Variants in ASTN2 observed in about 807,000 individuals in gnomAD.
ASTN2 encodes the protein astrotactin 2.
ASTN2 carries 54 observed loss-of-function variants against 139.8 expected under a neutral mutation model. That is an observed-to-expected ratio of 0.39 (90% CI 0.31 to 0.48). ASTN2 has a LOEUF of 0.48. Among genes scored for constraint, ASTN2 ranks in the 20% least tolerant of loss-of-function variants. The pLI is 0.95. For synonymous variants in ASTN2, 756 were observed against 719.5 expected (o/e 1.05, Z -0.81); for missense variants, 1,565 against 1,725.1 (o/e 0.91, Z 1.64).
intron 7 of ASTN2, among the ~76,000 whole-genome samples, chr9:116,987,688 C>CAT (rs1836726605): frequency 6.6e-6 from 1 of 152,152 alleles, no homozygotes; most frequent in Non-Finnish European, 1.5e-5. Flanking sequence ...CCTATATGTA[C>CAT]ATACCCATGA....
At chr9:117,354,533 T>C (rs891916824) in intron 1 of ASTN2, among the ~76,000 whole-genome samples, 1 of 152,232 alleles carries the variant, frequency 6.6e-6, no homozygotes, top group Non-Finnish European at 1.5e-5. Flanking sequence ...CTCCCTCTTG[T>C]GTGCACCCAT....
intron 15 of ASTN2, among the ~76,000 whole-genome samples, chr9:116,728,162 T>C (rs1828681483): frequency 6.6e-6 from 1 of 152,130 alleles, no homozygotes; most frequent in Admixed American, 6.5e-5. Context: ...CCATCATACA[T>C]GAGCACCAAC....
intron 2 of ASTN2, among the ~76,000 whole-genome samples, chr9:117,275,564 CTT>C (rs57767279): frequency 2.5e-5 from 3 of 119,170 alleles, no homozygotes; most frequent in Middle Eastern, 3.9e-3. Context: ...ATCTCTCCCT[CTT>C]TTTTTTTTTT....
At chr9:116,887,919 C>T (rs1564324137) in intron 10 of ASTN2, among the ~76,000 whole-genome samples, 1 of 152,142 alleles carries the variant, frequency 6.6e-6, no homozygotes, top group Admixed American at 6.5e-5. Flanking sequence ...CCACCTACCT[C>T]GGTTTCTCAA....
intron 13 of ASTN2, among the ~76,000 whole-genome samples, chr9:116,794,464 G>A (rs577228305): frequency 1.3e-5 from 2 of 152,156 alleles, no homozygotes; most frequent in Non-Finnish European, 2.9e-5. Flanking sequence ...GCCATCCTGA[G>A]CCACATATGG....
At chr9:116,514,469 G>C (rs1318141896) in intron 19 of ASTN2, among the ~76,000 whole-genome samples, 1 of 152,218 alleles carries the variant, frequency 6.6e-6, no homozygotes, top group Non-Finnish European at 1.5e-5. Flanking sequence ...TGAGGAGGCA[G>C]TCTGTCTCAA....
intron 2 of ASTN2, among the ~76,000 whole-genome samples, chr9:117,253,265 G>C (rs1400601150): frequency 6.6e-6 from 1 of 152,136 alleles, no homozygotes; most frequent in East Asian, 1.9e-4. Context: ...TCCCAGATCT[G>C]TTCTTATATC....
At chr9:116,668,748 T>C (rs780452890) in intron 16 of ASTN2, among the ~76,000 whole-genome samples, 34 of 152,196 alleles carry the variant, frequency 2.2e-4, no homozygotes, top group Non-Finnish European at 3.2e-4. Context: ...AGGAGCACAA[T>C]TGCAAAGATC....
chr9:117,412,355 T>C (rs1212887994), intron 1 of ASTN2, among the ~76,000 whole-genome samples: 2 of 152,090 alleles, frequency 1.3e-5, no homozygotes, highest in Non-Finnish European at 2.9e-5. Context: ...TCAGGGACCG[T>C]GCATCAGAGG....
At chr9:117,387,031 G>A (rs1043220233) in intron 1 of ASTN2, among the ~76,000 whole-genome samples, 1 of 152,100 alleles carries the variant, frequency 6.6e-6, no homozygotes, top group Non-Finnish European at 1.5e-5. Context: ...AGGCCTCACA[G>A]TCTACACCCT....
chr9:116,688,304 A>T (rs1227340995), intron 16 of ASTN2, among the ~76,000 whole-genome samples: 1 of 152,044 alleles, frequency 6.6e-6, no homozygotes, highest in Non-Finnish European at 1.5e-5. Context: ...TGGGGTGGAG[A>T]TGTCCTAACT....
chr9:116,647,393 G>A (rs567410668), intron 17 of ASTN2, among the ~76,000 whole-genome samples: 14 of 152,152 alleles, frequency 9.2e-5, no homozygotes, highest in Non-Finnish European at 1.3e-4. Context: ...CTCCTGCAAG[G>A]AGAACAGTGA....
At chr9:117,225,565 A>G (rs1184617877) in intron 2 of ASTN2, among the ~76,000 whole-genome samples, 1 of 111,390 alleles carries the variant, frequency 9.0e-6, no homozygotes, top group South Asian at 3.1e-4. Context: ...ATATATATAT[A>G]TATATATATA....
rs1831745056 is a variant in ASTN2 at position 117,202,129 on chromosome 9, A to G, written c.1015+12229T>C. ...TGTCTTTTTTGATCTTTGTTGGTTTAAAGTCTGTTTTGTCAGAGAGTAGGA... is the reference window on the plus strand; with the variant it reads ...TGTCTTTTTTGATCTTTGTTGGTTTGAAGTCTGTTTTGTCAGAGAGTAGGA... On this transcript the variant is annotated intron_variant, in intron 3 of 22. Transcript: ENST00000313400. Among the ~76,000 whole-genome samples, 3 of 152,096 alleles carry G rather than the reference A, an allele frequency of 2.0e-5. No individual in the cohort carries two copies. In the South Asian group the frequency reaches 6.2e-4, roughly 32 times the overall value.
chr9:116,494,249 A>C (rs1849605900), intron 19 of ASTN2, among the ~76,000 whole-genome samples: 1 of 152,104 alleles, frequency 6.6e-6, no homozygotes, highest in Non-Finnish European at 1.5e-5. Context: ...TTATGTAGAG[A>C]TGGATGATTA....
chr9:117,231,888 C>G (rs986861063), intron 2 of ASTN2, among the ~76,000 whole-genome samples: 6 of 152,168 alleles, frequency 3.9e-5, no homozygotes, highest in Admixed American at 3.3e-4. Flanking sequence ...TGTTCTCTGT[C>G]CCGACCTAGA....
intron 19 of ASTN2, among the ~76,000 whole-genome samples, chr9:116,533,913 T>C (rs962635039): frequency 2.0e-5 from 3 of 152,206 alleles, no homozygotes; most frequent in Admixed American, 6.5e-5. Context: ...TTCCTACTGA[T>C]TGGAATAGTT....
At chr9:117,315,273 G>T (rs1189941301) in intron 1 of ASTN2, among the ~76,000 whole-genome samples, 2 of 152,134 alleles carry the variant, frequency 1.3e-5, no homozygotes, top group South Asian at 4.1e-4. Flanking sequence ...GTTTAAGAAG[G>T]TCTTATGTAA....
At chr9:116,594,125 A>T (rs937757546) in intron 19 of ASTN2, among the ~76,000 whole-genome samples, 1 of 152,228 alleles carries the variant, frequency 6.6e-6, no homozygotes. Context: ...TAAACAATTG[A>T]GATAGGGAGC....
Sources: gnomAD v4.1 joint callset for allele counts (sites outside exome capture counted in the v4.1 genomes callset) on GRCh38, gnomAD v4.1.1 for gene constraint, MANE v1.5 for transcripts, NCBI Gene and HGNC (gene_info 2026-07-23, HGNC 2026-07-21) for gene names.